Variants in MGST1 observed in about 807,000 individuals in gnomAD.
The protein encoded by MGST1 is microsomal glutathione S-transferase 1.
Under a neutral mutation model 8.9 loss-of-function variants are expected in MGST1, and 5 were observed. The observed-to-expected ratio is 0.56, with a 90% CI of 0.29 to 1.19. The LOEUF is 1.19. Ranked by LOEUF, MGST1 falls within the 50% of genes most tolerant of loss-of-function variation. MGST1 has a pLI of 0.08. For missense variants in MGST1, 182 were observed against 187.4 expected, an observed-to-expected ratio of 0.97 and a Z score of 0.17; for synonymous variants, 54 against 67.8, an observed-to-expected ratio of 0.80 and a Z score of 1.00.
intron 4 of MGST1, among the ~76,000 whole-genome samples, chr12:16,580,522 C>T (rs1162430290): frequency 2.0e-5 from 3 of 152,078 alleles, no homozygotes; most frequent in Non-Finnish European, 2.9e-5. Context: ...TTTGGAAAAC[C>T]TTTGGAGGAC....
intron 4 of MGST1, among the ~76,000 whole-genome samples, chr12:16,588,906 T>C (rs939195845): frequency 1.3e-5 from 2 of 151,630 alleles, no homozygotes; most frequent in African/African-American, 4.8e-5. Context: ...GAAGCTGACA[T>C]TGGAGGAGTA....
intron 4 of MGST1, among the ~76,000 whole-genome samples, chr12:16,578,818 AAACAACAACAACAACAACAAC>A (rs201327858): frequency 7.1e-5 from 10 of 141,136 alleles, no homozygotes; most frequent in African/African-American, 1.2e-4. Flanking sequence ...ATTCTGTCTC[AAACAACAACAACAACAACAAC>A]AACAACAACA....
At chr12:16,441,700 G>A (rs989228499), downstream of MGST1, among the ~76,000 whole-genome samples, 1 of 151,628 alleles carries the variant, frequency 6.6e-6, no homozygotes, top group Admixed American at 6.6e-5. Context: ...ATACTCCATT[G>A]TCTTGGTGTA....
chr12:16,530,835 G>C (rs1230193592), intron 4 of MGST1, among the ~76,000 whole-genome samples: 1 of 152,064 alleles, frequency 6.6e-6, no homozygotes, highest in East Asian at 1.9e-4. Flanking sequence ...CCAGCACTGG[G>C]CATATATCAC....
At chr12:16,554,320 T>G (rs2137269719) in intron 4 of MGST1, among the ~76,000 whole-genome samples, 1 of 152,340 alleles carries the variant, frequency 6.6e-6, no homozygotes, top group South Asian at 2.1e-4. Flanking sequence ...TTCCCTAATG[T>G]TAGTGACTGA....
intron 4 of MGST1, among the ~76,000 whole-genome samples, chr12:16,498,521 G>A (rs555828541): frequency 6.6e-6 from 1 of 152,142 alleles, no homozygotes; most frequent in Non-Finnish European, 1.5e-5. Flanking sequence ...GACATAGAGT[G>A]CAAGTCCTCC....
At chr12:16,376,035 A>G in intron 3 of MGST1, 1 of 908,128 alleles carries the variant, frequency 1.1e-6, no homozygotes. Flanking sequence ...GATTTTATAC[A>G]TATATATAAA....
Position 16,507,679 on chromosome 12 carries a change from G to A in MGST1, n.483-81849G>A, listed in dbSNP as rs11056962. ...ATGGCAGAAGGTGAAGGGAGGGCAA[G>A]CACATCTTTACATGGGAGCAGGAGA... On this transcript the variant is annotated intron_variant and non_coding_transcript_variant, in intron 4 of 4. Coordinates refer to the MGST1 transcript ENST00000538857. 9.4e-3 allele frequency among the ~76,000 whole-genome samples: 1,430 copies of A among 152,228 alleles called. 75 individuals carry two copies. The East Asian group carries it at 0.17, about 18-fold the overall frequency.
chr12:16,386,395 G>A (rs1940504288), intron 1 of MGST1, among the ~76,000 whole-genome samples: 2 of 152,132 alleles, frequency 1.3e-5, no homozygotes, highest in African/African-American at 4.8e-5. Context: ...CTAGCACATG[G>A]ATTTAGAGTG....
intron 1 of MGST1, among the ~76,000 whole-genome samples, chr12:16,387,578 G>A (rs1489161103): frequency 6.6e-6 from 1 of 150,752 alleles, no homozygotes; most frequent in Admixed American, 6.6e-5. Flanking sequence ...CCAGGCTGGA[G>A]TGCAGTGGGG....
rs539342094 is a variant in MGST1 at position 16,539,699 on chromosome 12, C to A, written n.483-49829C>A. Among the ~76,000 whole-genome samples the A allele has an allele frequency of 1.1e-4, 16 of 152,294 alleles. No individual in the cohort carries two copies. The South Asian group carries it at 3.3e-3, about 32-fold the overall frequency. On this transcript the variant is annotated intron_variant and non_coding_transcript_variant, in intron 4 of 4. Coordinates refer to the MGST1 transcript ENST00000538857. ...ATCCTAAAATGTAAACCTGATCATG[C>A]CTTCCCCTGTGTTGTAAGTTTTAAC...
chr12:16,521,064 C>T (rs879718149), intron 4 of MGST1, among the ~76,000 whole-genome samples: 3 of 152,126 alleles, frequency 2.0e-5, no homozygotes, highest in Non-Finnish European at 4.4e-5. Context: ...TCCTCCTCCC[C>T]CAGGATGACA....
chr12:16,551,306 A>G, intron 4 of MGST1: 3 of 1,610,338 alleles, frequency 1.9e-6, no homozygotes, highest in Non-Finnish European at 2.5e-6. Flanking sequence ...TCTTTAGGAA[A>G]AATTTGTCTC....
intron 4 of MGST1, chr12:16,551,460 C>T (rs112654044): frequency 3.3e-6 from 2 of 610,466 alleles, no homozygotes; most frequent in South Asian, 4.0e-5. Context: ...AGACAGTTGT[C>T]TTCATTATCA....
chr12:16,505,530 G>A (rs978678561), intron 4 of MGST1, among the ~76,000 whole-genome samples: 8 of 152,052 alleles, frequency 5.3e-5, no homozygotes, highest in South Asian at 2.1e-4. Context: ...AAACCCCTAC[G>A]TAATTCAGTG....
chr12:16,372,382 G>A (rs560428037), intron 3 of MGST1, among the ~76,000 whole-genome samples: 20 of 152,048 alleles, frequency 1.3e-4, no homozygotes, highest in African/African-American at 4.3e-4. Context: ...CTGAATAGAC[G>A]TTCTCAAAAG....
chr12:16,583,043 C>G (rs1043199560), intron 4 of MGST1, among the ~76,000 whole-genome samples: 17 of 56,288 alleles, frequency 3.0e-4, no homozygotes, highest in African/African-American at 1.1e-3. Flanking sequence ...CGAGACTCCG[C>G]CTCAAAAAAA....
intron 4 of MGST1, among the ~76,000 whole-genome samples, chr12:16,483,118 G>T (rs954933282): frequency 6.6e-6 from 1 of 152,188 alleles, no homozygotes; most frequent in African/African-American, 2.4e-5. Flanking sequence ...TTTACCATAA[G>T]CAGGCACAGC....
chr12:16,507,111 C>G lies in MGST1; in HGVS notation n.483-82417C>G, dbSNP rs1340254174. ...CAGCCTGGGAGAGTAGGGAGGCTTC[C>G]TAAAAGAGAGTCTTCAAAGATGAAG... On this transcript the variant is annotated intron_variant and non_coding_transcript_variant, in intron 4 of 4. Coordinates refer to the MGST1 transcript ENST00000538857. Among the ~76,000 whole-genome samples, 3 of 152,138 alleles carry G rather than the reference C, an allele frequency of 2.0e-5. No homozygotes were observed. In the South Asian group the frequency reaches 6.2e-4, roughly 32 times the overall value.
Sources: gnomAD v4.1 joint callset for allele counts (sites outside exome capture counted in the v4.1 genomes callset) on GRCh38, gnomAD v4.1.1 for gene constraint, MANE v1.5 for transcripts, NCBI Gene and HGNC (gene_info 2026-07-23, HGNC 2026-07-21) for gene names.